Variants in ANKDD1B observed in about 807,000 individuals in gnomAD.
ANKDD1B encodes ankyrin repeat and death domain-containing protein 1B.
A neutral mutation model predicts 59.7 loss-of-function variants in ANKDD1B; 57 were observed. The observed-to-expected ratio is 0.95, with a 90% CI of 0.77 to 1.19. The LOEUF is 1.19. ANKDD1B is among the 50% of genes most tolerant of loss of function. ANKDD1B has a pLI of 0.00. For synonymous variants in ANKDD1B, 216 were observed against 239.5 expected, an observed-to-expected ratio of 0.90 and a Z score of 0.91; for missense variants, 602 against 641.9, an observed-to-expected ratio of 0.94 and a Z score of 0.67.
intron 9 of ANKDD1B, 145 bp from the exon 10 acceptor site, chr5:75,659,138 A>G: frequency 1.6e-6 from 1 of 608,480 alleles, no homozygotes; most frequent in Non-Finnish European, 3.0e-6. Context: ...GTTTTTCACT[A>G]TTGCAAATAA....
intron 12 of ANKDD1B, among the ~76,000 whole-genome samples, chr5:75,668,475 T>C (rs1005954076): frequency 6.6e-6 from 1 of 152,182 alleles, no homozygotes; most frequent in Non-Finnish European, 1.5e-5. Flanking sequence ...TCTGTAAGTA[T>C]GCAGTTCCCT....
chr5:75,620,413 G>C lies in ANKDD1B; in HGVS notation c.396G>C (p.Lys132Asn). The C allele has an allele frequency of 2.0e-6, 3 of 1,519,098 alleles. No individual in the cohort carries two copies. Among genetic ancestry groups the C allele is most frequent in the Non-Finnish European group, 2.6e-6 (3 of 1,132,160 alleles). The allele number at this position is 1,519,098 out of a possible 1,614,324, so 94.1% of individuals were successfully genotyped here. A position where few individuals can be genotyped will look rare whatever the true frequency, so the allele number is the denominator to read the frequency against. Residue 132 changes from lysine to asparagine, a missense_variant and splice_region_variant, in exon 3 of 14, where the codon AAG (lysine) becomes AAC (asparagine). Around this residue, in one of 3 missense-constraint regions of ANKDD1B, gnomAD observed 317 missense variants for 304.6 expected, o/e 1.04. Transcript: ENST00000601380. ...AGGCCAGGGTGGATGTTGCTGATAA[G>C]GTAAGCTCATCTTGAGTAGAACAAG... ...KHKARVDVAD[K>N]HGLTVIHLAA...
chr5:75,634,767 C>T lies in ANKDD1B; in HGVS notation c.601-131C>T, dbSNP rs180807380. 4 of 602,106 alleles carry T rather than the reference C, an allele frequency of 6.6e-6. No homozygotes were observed. The African/African-American group carries it at 7.4e-5, about 11-fold the overall frequency. 37.3% of individuals were successfully genotyped at this position (602,106 alleles called of 1,614,324 possible). Reference sequence around the variant, plus strand: ...TGATCTGATTTGGAGTCAGAGATAGCATCATCTTCCTCCCTGAAGAAGGGC... The same window carrying T: ...TGATCTGATTTGGAGTCAGAGATAGTATCATCTTCCTCCCTGAAGAAGGGC... On this transcript the variant is annotated intron_variant, in intron 5 of 13. Transcript: ENST00000601380.
At chr5:75,662,480 A>G (rs765321508) in intron 10 of ANKDD1B, among the ~76,000 whole-genome samples, 3 of 152,140 alleles carry the variant, frequency 2.0e-5, no homozygotes, top group Non-Finnish European at 4.4e-5. Flanking sequence ...GGTTCCTAAG[A>G]TTGGAACTCT....
At chr5:75,635,093 GT>G in intron 6 of ANKDD1B, 97 bp downstream of exon 6, 1 of 765,508 alleles carries the variant, frequency 1.3e-6, no homozygotes, top group Non-Finnish European at 2.1e-6. Context: ...TGGTGAGGGC[GT>G]TTTAGTCAGC....
rs186920640 is a variant in ANKDD1B, at chr5:75,639,350, C to A, written c.798+3468C>A. Among the ~76,000 whole-genome samples the A allele has an allele frequency of 3.4e-4, 52 of 152,282 alleles. No individual in the cohort carries two copies. The East Asian group carries it at 9.5e-3, about 28-fold the overall frequency. On this transcript the variant is annotated intron_variant, in intron 7 of 13. Coordinates refer to ENST00000601380, the MANE Select transcript of ANKDD1B (RefSeq NM_001276713.2). ...TAGCTGGGATTACAGGCGCATGCCA[C>A]CACGCCAGGCTAATTTTTGTATATT...
At chr5:75,653,604 C>A (rs1340952110) in intron 8 of ANKDD1B, among the ~76,000 whole-genome samples, 1 of 152,176 alleles carries the variant, frequency 6.6e-6, no homozygotes, top group Admixed American at 6.5e-5. Context: ...GATAATTTTT[C>A]TCCCTTCACT....
At chr5:75,649,092 A>G (rs1259912156) in intron 7 of ANKDD1B, among the ~76,000 whole-genome samples, 1 of 152,076 alleles carries the variant, frequency 6.6e-6, no homozygotes, top group Admixed American at 6.6e-5. Flanking sequence ...CCTGGGTCCA[A>G]TAAAGGCTTT....
Position 75,641,906 on chromosome 5 carries a change from C to T in ANKDD1B, c.798+6024C>T, listed in dbSNP as rs115686345. Among the ~76,000 whole-genome samples the T allele has an allele frequency of 6.2e-3, 949 of 152,138 alleles. 3 individuals carry two copies. Among genetic ancestry groups the T allele is most frequent in the Non-Finnish European group, 9.1e-3 (616 of 67,992 alleles). On this transcript the variant is annotated intron_variant, in intron 7 of 13. Coordinates refer to ENST00000601380, the MANE Select transcript of ANKDD1B (RefSeq NM_001276713.2). ...ATTCAGATAGATGATAAAGTTAGCT[C>T]CAATAGCCAAGAACTAGATACAACA...
intron 6 of ANKDD1B, 197 bp downstream of exon 6, chr5:75,635,193 G>T: frequency 2.2e-6 from 1 of 444,448 alleles, no homozygotes; most frequent in Non-Finnish European, 4.1e-6. Context: ...GTCCAGATTG[G>T]CAGTTTTTGC....
chr5:75,640,712 TC>T (rs751797383), intron 7 of ANKDD1B, among the ~76,000 whole-genome samples: 14 of 152,326 alleles, frequency 9.2e-5, no homozygotes, highest in Non-Finnish European at 1.5e-5. Context: ...AAGTATGTGT[TC>T]CAGACCATGT....
intron 6 of ANKDD1B, chr5:75,635,492 G>T: frequency 3.7e-6 from 1 of 273,036 alleles, no homozygotes. Context: ...TACCCTCACA[G>T]AGGTCAAATG....
chr5:75,661,968 G>C (rs867478266), intron 10 of ANKDD1B, among the ~76,000 whole-genome samples: 1 of 135,354 alleles, frequency 7.4e-6, no homozygotes, highest in African/African-American at 2.8e-5. Context: ...GTCTGGTTAG[G>C]AAATAAGGAA....
chr5:75,665,520 C>T (rs1018324035), intron 11 of ANKDD1B, among the ~76,000 whole-genome samples: 1 of 151,816 alleles, frequency 6.6e-6, no homozygotes, highest in African/African-American at 2.4e-5. Flanking sequence ...AATCTTACTT[C>T]TTTTAGAATT....
chr5:75,617,549 G>GTGAA, intron 2 of ANKDD1B, among the ~76,000 whole-genome samples: 1 of 152,266 alleles, frequency 6.6e-6, no homozygotes, highest in East Asian at 1.9e-4. Context: ...GTTTATCAAA[G>GTGAA]TGAAGGTTGG....
intron 12 of ANKDD1B, among the ~76,000 whole-genome samples, chr5:75,668,494 A>G (rs6898032): frequency 0.061 from 9,327 of 152,148 alleles, 425 homozygotes; most frequent in East Asian, 0.28. Context: ...CTCTCCCTGA[A>G]ATGCCCGCTT....
intron 7 of ANKDD1B, among the ~76,000 whole-genome samples, chr5:75,643,263 C>T: frequency 3.9e-5 from 3 of 77,478 alleles, no homozygotes; most frequent in African/African-American, 2.5e-4. Flanking sequence ...TTTTGACGAG[C>T]TGAGAGAAGA....
At chr5:75,612,498 G>T (rs939003404) in intron 1 of ANKDD1B, among the ~76,000 whole-genome samples, 1 of 151,960 alleles carries the variant, frequency 6.6e-6, no homozygotes, top group Non-Finnish European at 1.5e-5. Context: ...CAAGCCTACT[G>T]GCTGGGACGG....
rs1010048223 is a variant in ANKDD1B, at chr5:75,659,304, G to T, written c.1018G>T (p.Val340Leu). The change falls in exon 10 of 14, where the codon GTA becomes TTA. Residue 340 changes from valine (V) to leucine (L), a missense_variant. By Grantham distance (32) the Val-to-Leu change is conservative. Transcript: ENST00000601380. ...LNQKQQTPLH[V>L]AADRGNVELV... ...GCAGAAGCAGCAAACCCCTCTGCATGTAGCTGCTGATCGTGGAAATGTGGA... is the reference window on the plus strand; with the variant it reads ...GCAGAAGCAGCAAACCCCTCTGCATTTAGCTGCTGATCGTGGAAATGTGGA... The T allele has an allele frequency of 6.5e-7, 1 of 1,535,992 alleles. No individual in the cohort carries two copies. Among genetic ancestry groups the T allele is most frequent in the Non-Finnish European group, 8.7e-7 (1 of 1,146,798 alleles).
Sources: gnomAD v4.1 joint callset for allele counts (sites outside exome capture counted in the v4.1 genomes callset) on GRCh38, gnomAD v4.1.1 for gene constraint, gnomAD v4.1.1 regional missense constraint, MANE v1.5 for transcripts, NCBI Gene and HGNC (gene_info 2026-07-23, HGNC 2026-07-21) for gene names.